NEXMIF: variants seen among roughly 807,000 people sequenced by gnomAD.
NEXMIF encodes XLMR protein related to neurite extension.
A neutral mutation model predicts 62.1 loss-of-function variants in NEXMIF; 8 were observed. That is an observed-to-expected ratio of 0.13 (90% CI 0.08 to 0.23). The LOEUF (loss-of-function observed/expected upper bound fraction) is 0.23, where lower values mean the gene tolerates loss of function less well. Ranked by LOEUF, NEXMIF falls within the 10% of genes least tolerant of loss-of-function variation. The pLI is 1.00. For synonymous variants in NEXMIF, 404 were observed against 416.6 expected, an observed-to-expected ratio of 0.97 and a Z score of 0.37; for missense variants, 976 against 1,113.3, an observed-to-expected ratio of 0.88 and a Z score of 1.75.
chrX:74,915,758 T>C (rs1415829618), intron 1 of NEXMIF, among the ~76,000 whole-genome samples: 2 of 110,849 alleles, frequency 1.8e-5, no homozygotes, highest in African/African-American at 6.6e-5. Flanking sequence ...CAATCTCCCA[T>C]CTCTGGCTTG....
At chrX:74,797,509 C>CAA (rs760844138) in intron 1 of NEXMIF, among the ~76,000 whole-genome samples, 22 of 111,696 alleles carry the variant, frequency 2.0e-4, no homozygotes, top group Admixed American at 1.0e-3. Flanking sequence ...ACCATGTTCA[C>CAA]ACACACACAC....
chrX:74,908,758 C>T, intron 1 of NEXMIF, among the ~76,000 whole-genome samples: 1 of 112,529 alleles, frequency 8.9e-6, no homozygotes, highest in Non-Finnish European at 1.9e-5. Flanking sequence ...GTGTCCCCAC[C>T]AAATCTCATC....
At chrX:74,843,716 G>A (rs902015385) in intron 1 of NEXMIF, among the ~76,000 whole-genome samples, 1 of 112,144 alleles carries the variant, frequency 8.9e-6, no homozygotes, top group African/African-American at 3.2e-5. Flanking sequence ...GCCCAGCCGG[G>A]TCTTGCTTTT....
chrX:74,825,845 C>A, intron 1 of NEXMIF, among the ~76,000 whole-genome samples: 2 of 112,360 alleles, frequency 1.8e-5, no homozygotes, highest in South Asian at 7.4e-4. Context: ...GAGCCACCAC[C>A]CGGCCATGAT....
At position 74,899,935 on chromosome X, in the gene NEXMIF, A is replaced by G. The variant is rs190375835; in HGVS notation, c.-48+24948T>C. 2.6e-4 allele frequency among the ~76,000 whole-genome samples: 29 copies of G among 112,166 alleles called. No individual in the cohort carries two copies. The East Asian group carries it at 7.8e-3, about 30-fold the overall frequency. The stretch of plus-strand genomic sequence containing the variant: ...ATGAAAGAAAATACTTGCAAATCAT[A>G]TATCTGGTAAAGTATTAATATCTAG... On this transcript the variant is annotated intron_variant, in intron 1 of 3. Transcript: ENST00000055682.
rs1425125917 is a variant in NEXMIF at position 74,874,522 on chromosome X, C to A, written c.-48+50361G>T. 2.5e-3 allele frequency among the ~76,000 whole-genome samples: 272 copies of A among 107,198 alleles called. 1 individual carries two copies. The highest frequency in any genetic ancestry group is 8.9e-3 in the African/African-American group (262 of 29,352). 93.1% of individuals were successfully genotyped at this position (107,198 alleles called of 115,157 possible). A position where few individuals can be genotyped will look rare whatever the true frequency, so the allele number is the denominator to read the frequency against. ...AACTTTAAAGTAGCTTTTTCCAATT[C>A]TGTGAAGAAAGTCATTGGTAGCTTG... On this transcript the variant is annotated intron_variant, in intron 1 of 3. Transcript: ENST00000055682.
At chrX:74,790,588 C>A (rs749075427) in intron 1 of NEXMIF, among the ~76,000 whole-genome samples, 3 of 112,035 alleles carry the variant, frequency 2.7e-5, no homozygotes, top group African/African-American at 6.5e-5. Context: ...TTTCACAATA[C>A]TGATTCTTCC....
chrX:74,847,207 C>A (rs536247523), intron 1 of NEXMIF, among the ~76,000 whole-genome samples: 3 of 112,204 alleles, frequency 2.7e-5, no homozygotes, highest in African/African-American at 9.7e-5. Flanking sequence ...GTTTTCAGTT[C>A]AGGTTAAGAG....
chrX:74,834,746 C>A (rs1338194508), intron 1 of NEXMIF, among the ~76,000 whole-genome samples: 1 of 111,342 alleles, frequency 9.0e-6, no homozygotes, highest in African/African-American at 3.3e-5. Context: ...TTATCCTTGA[C>A]CTTTAGGAGG....
intron 1 of NEXMIF, among the ~76,000 whole-genome samples, chrX:74,830,959 G>A (rs1481532214): frequency 2.0e-5 from 2 of 102,205 alleles, no homozygotes; most frequent in African/African-American, 3.3e-5. Context: ...TGGTGGCATC[G>A]TTGTTTTTTT....
chrX:74,916,579 A>G (rs2080807839), intron 1 of NEXMIF, among the ~76,000 whole-genome samples: 1 of 111,896 alleles, frequency 8.9e-6, no homozygotes, highest in African/African-American at 3.3e-5. Flanking sequence ...ATGTGATGCC[A>G]TGGTACTGCT....
At chrX:74,837,381 C>T (rs770442081) in intron 1 of NEXMIF, among the ~76,000 whole-genome samples, 64 of 111,654 alleles carry the variant, frequency 5.7e-4, no homozygotes, top group African/African-American at 1.9e-3. Flanking sequence ...TTGTTCTGCC[C>T]CTCCCAATAG....
intron 1 of NEXMIF, among the ~76,000 whole-genome samples, chrX:74,900,095 A>G (rs377406846): frequency 8.9e-6 from 1 of 111,846 alleles, no homozygotes; most frequent in East Asian, 2.8e-4. Context: ...CAGATACTCA[A>G]CATCTCTAGT....
intron 1 of NEXMIF, chrX:74,769,717 T>C: frequency 1.6e-6 from 1 of 642,020 alleles, no homozygotes; most frequent in Non-Finnish European, 2.6e-6. Context: ...ATCTGCACCA[T>C]TTTCCACTGG....
At chrX:74,744,774 G>A (rs1892896445) in intron 2 of NEXMIF, among the ~76,000 whole-genome samples, 1 of 111,722 alleles carries the variant, frequency 9.0e-6, no homozygotes, top group South Asian at 3.8e-4. Flanking sequence ...GGAAAGTCAA[G>A]GCTTTCAAGG....
intron 1 of NEXMIF, among the ~76,000 whole-genome samples, chrX:74,761,026 C>G (rs1054496027): frequency 9.1e-6 from 1 of 109,674 alleles, no homozygotes; most frequent in African/African-American, 3.3e-5. Context: ...CATTACCACG[C>G]CCAGCTGATT....
At chrX:74,882,210 C>A (rs986599868) in intron 1 of NEXMIF, among the ~76,000 whole-genome samples, 1 of 112,057 alleles carries the variant, frequency 8.9e-6, no homozygotes, top group Admixed American at 9.4e-5. Context: ...TCTACAGCTC[C>A]CAGCGTGAGC....
intron 1 of NEXMIF, among the ~76,000 whole-genome samples, chrX:74,833,457 C>T (rs922194157): frequency 9.0e-6 from 1 of 111,506 alleles, no homozygotes; most frequent in African/African-American, 3.3e-5. Context: ...TATTTTCAGT[C>T]CATGTATATC....
intron 1 of NEXMIF, among the ~76,000 whole-genome samples, chrX:74,852,533 C>A (rs989060815): frequency 3.6e-5 from 4 of 111,930 alleles, no homozygotes; most frequent in Non-Finnish European, 5.6e-5. Flanking sequence ...CTCATCAGCA[C>A]ATGGAACATT....
Sources: gnomAD v4.1 joint callset for allele counts (sites outside exome capture counted in the v4.1 genomes callset) on GRCh38, gnomAD v4.1.1 for gene constraint, MANE v1.5 for transcripts, NCBI Gene and HGNC (gene_info 2026-07-23, HGNC 2026-07-21) for gene names.